IL19: variants seen among roughly 807,000 people sequenced by gnomAD.
IL19 encodes interleukin-19.
In IL19, 15 loss-of-function variants were observed where a neutral mutation model predicts 19.5. The ratio of observed to expected loss-of-function variants is 0.77; its 90% confidence interval spans 0.52 to 1.19. IL19 has a LOEUF of 1.19. IL19 is among the 50% of genes most tolerant of loss of function. The probability of loss-of-function intolerance (pLI) is 0.00; values close to 1 mark genes in which losing one functional copy is unlikely to be tolerated. For missense variants in IL19, 199 were observed against 213.1 expected (o/e 0.93, Z 0.41); for synonymous variants, 78 against 78.3 (o/e 1.00, Z 0.02).
chr1:206,816,736 G>T (rs1242507113), intron 2 of IL19, among the ~76,000 whole-genome samples: 1 of 152,070 alleles, frequency 6.6e-6, no homozygotes, highest in Non-Finnish European at 1.5e-5. Context: ...TTAAAAAGGA[G>T]ACATAATCAG....
intron 2 of IL19, chr1:206,833,827 G>T: frequency 1.0e-6 from 1 of 985,562 alleles, no homozygotes; most frequent in Non-Finnish European, 1.2e-6. Context: ...GGGAAAAAGT[G>T]TTCCTCATGA....
intron 2 of IL19, among the ~76,000 whole-genome samples, chr1:206,830,932 C>T (rs1414212217): frequency 1.3e-5 from 2 of 152,120 alleles, no homozygotes; most frequent in Non-Finnish European, 2.9e-5. Context: ...GTTTTATAGT[C>T]CTCATAATGA....
chr1:206,835,579 C>T (rs1212024784), intron 2 of IL19, among the ~76,000 whole-genome samples: 1 of 152,204 alleles, frequency 6.6e-6, no homozygotes, highest in Non-Finnish European at 1.5e-5. Context: ...TATAGCTCTA[C>T]AGTCCTCGCA....
chr1:206,816,005 T>A (rs544781389), intron 2 of IL19, among the ~76,000 whole-genome samples: 1 of 152,226 alleles, frequency 6.6e-6, no homozygotes, highest in African/African-American at 2.4e-5. Context: ...AACCTACTGA[T>A]GACATTGAGG....
intron 1 of IL19, among the ~76,000 whole-genome samples, chr1:206,776,526 G>A (rs112618605): frequency 0.024 from 3,581 of 152,008 alleles, 76 homozygotes; most frequent in African/African-American, 0.029. Flanking sequence ...CCTCCCATTA[G>A]AGCAGTCATC....
At chr1:206,817,776 T>A (rs1370352616) in intron 2 of IL19, among the ~76,000 whole-genome samples, 1 of 151,268 alleles carries the variant, frequency 6.6e-6, no homozygotes, top group Non-Finnish European at 1.5e-5. Context: ...TTTTTTTTTT[T>A]AATTTGAGAC....
intron 2 of IL19, among the ~76,000 whole-genome samples, chr1:206,804,399 CT>C (rs1210574206): frequency 6.6e-6 from 1 of 152,146 alleles, no homozygotes; most frequent in Non-Finnish European, 1.5e-5. Context: ...TGATTTTTAT[CT>C]GTTTCTGGCA....
rs145260062 is a variant in IL19, at chr1:206,775,673, T to C, written c.-149+4595T>C. 1.5e-3 allele frequency among the ~76,000 whole-genome samples: 227 copies of C among 152,334 alleles called. 1 individual carries two copies. The highest frequency in any genetic ancestry group is 5.3e-3 in the African/African-American group (220 of 41,580). Reference sequence around the variant, plus strand: ...AACAGGACTCCTATTTCTCAAGTTTTTGAAGATACCTGTTCATCTGAAAAG... The same window carrying C: ...AACAGGACTCCTATTTCTCAAGTTTCTGAAGATACCTGTTCATCTGAAAAG... On this transcript the variant is annotated intron_variant, in intron 1 of 6. Transcript: ENST00000659997.
intron 1 of IL19, among the ~76,000 whole-genome samples, chr1:206,786,111 C>A (rs1023117859): frequency 6.6e-6 from 1 of 152,062 alleles, no homozygotes; most frequent in Non-Finnish European, 1.5e-5. Flanking sequence ...ATCCAGAATC[C>A]CATGTACATC....
At chr1:206,791,928 C>CGT (rs1675415839) in intron 1 of IL19, among the ~76,000 whole-genome samples, 1 of 150,442 alleles carries the variant, frequency 6.6e-6, no homozygotes, top group Non-Finnish European at 1.5e-5. Flanking sequence ...TGGTCCTGTG[C>CGT]ATGTGTGTGT....
intron 2 of IL19, among the ~76,000 whole-genome samples, chr1:206,834,935 G>T (rs1454585808): frequency 6.6e-6 from 1 of 152,062 alleles, no homozygotes; most frequent in African/African-American, 2.4e-5. Flanking sequence ...TCATTTTTTT[G>T]GTAAAATGGG....
chr1:206,808,815 A>G (rs1418504719), intron 2 of IL19, among the ~76,000 whole-genome samples: 1 of 152,200 alleles, frequency 6.6e-6, no homozygotes, highest in Non-Finnish European at 1.5e-5. Flanking sequence ...TCTGTGGACA[A>G]TAAGGACCCC....
chr1:206,780,845 T>C (rs775580022), intron 1 of IL19, among the ~76,000 whole-genome samples: 31 of 152,220 alleles, frequency 2.0e-4, no homozygotes, highest in Non-Finnish European at 3.2e-4. Context: ...CTAAGATGTG[T>C]TCGGTGTGTG....
intron 2 of IL19, among the ~76,000 whole-genome samples, chr1:206,836,221 A>G (rs1016657701): frequency 1.3e-5 from 2 of 152,232 alleles, no homozygotes; most frequent in Non-Finnish European, 2.9e-5. Flanking sequence ...AGGGGCAAAC[A>G]TCAAAAACCA....
At chr1:206,777,703 TG>T (rs1675044155) in intron 1 of IL19, among the ~76,000 whole-genome samples, 1 of 152,234 alleles carries the variant, frequency 6.6e-6, no homozygotes, top group Non-Finnish European at 1.5e-5. Flanking sequence ...ATCTTGGGGA[TG>T]GGTGACAACT....
Position 206,842,831 on chromosome 1 carries a change from T to A in IL19, c.*209T>A. 1 of 481,978 alleles carries A rather than the reference T, an allele frequency of 2.1e-6. No individual in the cohort carries two copies. The allele number at this position is 481,978 out of a possible 1,614,324, so 29.9% of individuals were successfully genotyped here. ...ATAAACTCTATCTGCTGAAAGGGCC[T>A]GCAGGCCATCCTGGGAGTAAAGGGC... On this transcript the variant is annotated 3_prime_UTR_variant, in exon 7 of 7. Coordinates refer to ENST00000659997, the MANE Select transcript of IL19 (RefSeq NM_153758.5).
intron 2 of IL19, among the ~76,000 whole-genome samples, chr1:206,806,771 T>C (rs1675857234): frequency 6.6e-6 from 1 of 152,222 alleles, no homozygotes; most frequent in South Asian, 2.1e-4. Flanking sequence ...CAATATCATA[T>C]TTTATCCGGA....
At chr1:206,812,472 C>T (rs780969258) in intron 2 of IL19, among the ~76,000 whole-genome samples, 16 of 152,138 alleles carry the variant, frequency 1.1e-4, no homozygotes, top group South Asian at 2.1e-4. Context: ...ATGACTGGGG[C>T]GACTGATTAC....
chr1:206,791,466 C>T (rs962472788), intron 1 of IL19, among the ~76,000 whole-genome samples: 10 of 152,230 alleles, frequency 6.6e-5, no homozygotes, highest in Admixed American at 1.3e-4. Context: ...TCATGCCCAG[C>T]TAATTTTTGT....
Sources: allele counts gnomAD v4.1 joint callset (sites outside exome capture counted in the v4.1 genomes callset), GRCh38; gene constraint gnomAD v4.1.1; transcripts MANE v1.5; gene names NCBI Gene and HGNC (gene_info 2026-07-23, HGNC 2026-07-21).